THADA: variants seen among roughly 807,000 people sequenced by gnomAD.
THADA encodes the protein THADA armadillo repeat containing.
In THADA, 213 loss-of-function variants were observed where a neutral mutation model predicts 219.8. The ratio of observed to expected loss-of-function variants is 0.97; its 90% CI spans 0.87 to 1.09. The LOEUF (loss-of-function observed/expected upper bound fraction) is 1.09, where lower values mean the gene tolerates loss of function less well. THADA is among the 50% of genes least tolerant of loss of function. THADA has a pLI of 0.00. For synonymous variants in THADA, 1,018 were observed against 828.9 expected (o/e 1.23, Z -3.92); for missense variants, 2,956 against 2,311.3 (o/e 1.28, Z -5.72).
At chr2:43,552,381 A>C in intron 17 of THADA, 42 bp from the exon 18 acceptor site, 3 of 1,561,234 alleles carry the variant, frequency 1.9e-6, no homozygotes, top group Non-Finnish European at 2.6e-6. Flanking sequence ...GTCAATCTTA[A>C]AACATTTGTA....
intron 19 of THADA, among the ~76,000 whole-genome samples, chr2:43,550,873 C>A (rs1031808935): frequency 6.6e-6 from 1 of 152,118 alleles, no homozygotes; most frequent in Admixed American, 6.5e-5. Context: ...GGCCTGTAAT[C>A]CCAATGCTTT....
At chr2:43,528,439 AT>A (rs113071403) in intron 21 of THADA, among the ~76,000 whole-genome samples, 5 of 151,208 alleles carry the variant, frequency 3.3e-5, no homozygotes, top group African/African-American at 7.3e-5. Flanking sequence ...CATTTTAAGT[AT>A]TTTTTTTTAA....
At chr2:43,489,874 CAAAAAAA>C (rs201735523) in intron 25 of THADA, among the ~76,000 whole-genome samples, 10 of 56,088 alleles carry the variant, frequency 1.8e-4, no homozygotes, top group African/African-American at 4.0e-4. Flanking sequence ...TTAAGATCTG[CAAAAAAA>C]AAAAAAAAAA....
chr2:43,357,106 T>C (rs779475175), intron 29 of THADA, among the ~76,000 whole-genome samples: 1 of 152,234 alleles, frequency 6.6e-6, no homozygotes, highest in Non-Finnish European at 1.5e-5. Flanking sequence ...CCTTGCCACA[T>C]ACTTTGGGAA....
At chr2:43,367,284 A>C (rs1430372747) in intron 29 of THADA, among the ~76,000 whole-genome samples, 1 of 152,232 alleles carries the variant, frequency 6.6e-6, no homozygotes, top group South Asian at 2.1e-4. Flanking sequence ...ACACAACATT[A>C]CTAAACTGTG....
intron 14 of THADA, among the ~76,000 whole-genome samples, chr2:43,568,411 G>C (rs190200265): frequency 3.3e-5 from 5 of 152,044 alleles, no homozygotes; most frequent in Admixed American, 3.3e-4. Flanking sequence ...ATGGTGTGAC[G>C]ATTATAACAA....
chr2:43,269,626 A>G (rs1209635454), intron 36 of THADA, among the ~76,000 whole-genome samples: 2 of 152,216 alleles, frequency 1.3e-5, no homozygotes, highest in Admixed American at 6.5e-5. Flanking sequence ...GTGCCCACCC[A>G]CTGCAGCTGG....
At chr2:43,411,068 C>A (rs1013848118) in intron 28 of THADA, among the ~76,000 whole-genome samples, 7 of 152,144 alleles carry the variant, frequency 4.6e-5, no homozygotes, top group African/African-American at 1.4e-4. Flanking sequence ...TTTAAAAAAT[C>A]AAATCAATAA....
chr2:43,478,189 A>C (rs1685769650), intron 26 of THADA, among the ~76,000 whole-genome samples: 2 of 152,196 alleles, frequency 1.3e-5, no homozygotes. Context: ...TCAATGAAAA[A>C]ATTAAGAGTA....
intron 15 of THADA, chr2:43,565,121 A>G (rs1201125524): frequency 6.6e-6 from 1 of 152,184 alleles, no homozygotes; most frequent in Non-Finnish European, 1.5e-5. Context: ...ACACAGATAT[A>G]GCAAATATTG....
At chr2:43,438,299 C>CA (rs56108896) in intron 26 of THADA, among the ~76,000 whole-genome samples, 12,868 of 85,576 alleles carry the variant, frequency 0.15, 1,149 homozygotes, top group African/African-American at 0.24. Context: ...GACTCCATCT[C>CA]AAAAAAAAAA....
At chr2:43,500,615 T>C (rs1010645163) in intron 24 of THADA, among the ~76,000 whole-genome samples, 2 of 152,224 alleles carry the variant, frequency 1.3e-5, no homozygotes, top group Non-Finnish European at 2.9e-5. Context: ...TTCAATTTCC[T>C]TAATAAGATA....
chr2:43,528,242 T>C (rs1333204941), intron 21 of THADA, among the ~76,000 whole-genome samples: 1 of 148,060 alleles, frequency 6.8e-6, no homozygotes, highest in Non-Finnish European at 1.5e-5. Flanking sequence ...GTGATTCTCC[T>C]GCCTCAGCCT....
intron 36 of THADA, among the ~76,000 whole-genome samples, chr2:43,246,515 C>G (rs529393155): frequency 5.0e-4 from 76 of 151,062 alleles, no homozygotes; most frequent in African/African-American, 1.8e-3. Context: ...AACAAACAAA[C>G]AAACAAAAAA....
chr2:43,335,508 C>T (rs574802981), intron 30 of THADA, among the ~76,000 whole-genome samples: 61 of 152,184 alleles, frequency 4.0e-4, no homozygotes, highest in South Asian at 2.5e-3. Context: ...GTCAATGATT[C>T]GATTTGATAA....
intron 26 of THADA, among the ~76,000 whole-genome samples, chr2:43,434,584 C>T (rs892643889): frequency 4.6e-5 from 7 of 152,200 alleles, no homozygotes; most frequent in African/African-American, 1.7e-4. Context: ...AATACACCAA[C>T]AGGCACCAGC....
chr2:43,519,617 T>C (rs769440453), intron 22 of THADA, among the ~76,000 whole-genome samples: 4 of 152,238 alleles, frequency 2.6e-5, no homozygotes, highest in Non-Finnish European at 4.4e-5. Context: ...CTGGTAATTA[T>C]GTCTAGGTTC....
At chr2:43,241,769 C>G (rs934479596) in intron 36 of THADA, among the ~76,000 whole-genome samples, 1 of 152,024 alleles carries the variant, frequency 6.6e-6, no homozygotes, top group Non-Finnish European at 1.5e-5. Flanking sequence ...GCCCTACTGC[C>G]TCCCATCGCG....
intron 28 of THADA, among the ~76,000 whole-genome samples, chr2:43,421,898 T>C (rs1419628512): frequency 6.6e-6 from 1 of 152,232 alleles, no homozygotes; most frequent in East Asian, 1.9e-4. Context: ...CAACTTCTTT[T>C]CTTTGAGAGA....
Sources: gnomAD v4.1 joint callset for allele counts (sites outside exome capture counted in the v4.1 genomes callset) on GRCh38, gnomAD v4.1.1 for gene constraint, MANE v1.5 for transcripts, NCBI Gene and HGNC (gene_info 2026-07-23, HGNC 2026-07-21) for gene names.